OVCH2: variants seen among roughly 807,000 people sequenced by gnomAD.
OVCH2 encodes ovochymase 2.
OVCH2 carries 88 observed loss-of-function variants against 73.7 expected under a neutral mutation model. That is an observed-to-expected ratio of 1.19 (90% CI 1.01 to 1.43). The LOEUF (loss-of-function observed/expected upper bound fraction) is 1.43, where lower values mean the gene tolerates loss of function less well. OVCH2 is among the 40% of genes most tolerant of loss of function. The pLI is 0.00. For synonymous variants in OVCH2, 265 were observed against 234.5 expected, an observed-to-expected ratio of 1.13 and a Z score of -1.19; for missense variants, 706 against 674.5, an observed-to-expected ratio of 1.05 and a Z score of -0.52.
At chr11:7,679,235 A>C in the OVCH2 span, among the ~76,000 whole-genome samples, 1 of 152,326 alleles carries the variant, frequency 6.6e-6, no homozygotes, top group East Asian at 1.9e-4. Flanking sequence ...CCTGGCATAC[A>C]ACAACTAAAA....
the OVCH2 span, among the ~76,000 whole-genome samples, chr11:7,681,696 T>C: frequency 3.3e-5 from 5 of 152,118 alleles, no homozygotes; most frequent in East Asian, 9.6e-4. Flanking sequence ...AAGGAATTGC[T>C]TGTGAGTTCA....
chr11:7,694,607 T>TTTTG (rs1555013950), intron 12 of OVCH2, among the ~76,000 whole-genome samples: 5 of 15,940 alleles, frequency 3.1e-4, no homozygotes, highest in African/African-American at 8.2e-4. Flanking sequence ...CAACACAAAG[T>TTTTG]TTTTGTTTTG....
Position 7,696,482 on chromosome 11 carries a change from A to C in OVCH2, c.1124T>G (p.Leu375Ter), listed in dbSNP as rs756870033. The change falls in exon 10 of 16, where the codon TTA becomes TGA. Residue 375 changes from leucine (L) to a stop codon, truncating the protein, a stop_gained. Coordinates refer to ENST00000533663, the MANE Select transcript of OVCH2 (RefSeq NM_198185.7). LOFTEE classifies it high-confidence loss of function. Reference sequence around the variant, plus strand: ...CCACTCACCAATGGGTCTGTCTTCTAAAGAATACATTGACAGGTAACTGTG... The same window carrying C: ...CCACTCACCAATGGGTCTGTCTTCTCAAGAATACATTGACAGGTAACTGTG... ...CHHSYLSMYS[L>*]EDRPIGKFCG... The C allele has an allele frequency of 7.4e-6, 12 of 1,614,036 alleles. No individual in the cohort carries two copies. The South Asian group carries it at 1.1e-4, about 15-fold the overall frequency.
downstream of OVCH2, among the ~76,000 whole-genome samples, chr11:7,685,227 G>T (rs1856130024): frequency 6.6e-6 from 1 of 152,094 alleles, no homozygotes; most frequent in African/African-American, 2.4e-5. Context: ...TGCTGCTCCT[G>T]GTAGGCACAG....
chr11:7,703,932 A>G, intron 2 of OVCH2, 143 bp from the exon 3 acceptor site: 1 of 709,750 alleles, frequency 1.4e-6, no homozygotes, highest in Admixed American at 2.4e-5. Context: ...GATAAAGCCC[A>G]GACACTACCG....
chr11:7,689,846 A>T, intron 15 of OVCH2, 78 bp downstream of exon 15: 2 of 877,412 alleles, frequency 2.3e-6, no homozygotes, highest in Non-Finnish European at 3.7e-6. Flanking sequence ...AGATGGAATT[A>T]AATCCATATC....
At chr11:7,689,733 C>T in intron 15 of OVCH2, 131 bp from the exon 16 acceptor site, 1 of 670,758 alleles carries the variant, frequency 1.5e-6, no homozygotes, top group African/African-American at 1.8e-5. Flanking sequence ...AGGGCCCAGG[C>T]TAATAACCTC....
Position 7,706,348 on chromosome 11 carries a change from A to C in OVCH2, c.47T>G (p.Phe16Cys). 1.3e-6 allele frequency: 2 copies of C among 1,590,548 alleles called. No homozygotes were observed. The highest frequency in any genetic ancestry group is 1.1e-5 in the South Asian group (1 of 87,082). ...NKLILLLGIV[F>C]FERGKSATLS... ...AGTTGCAGATTTACCTCGTTCAAAAAAGACTATTCCTAGTAGTAAAATCAG... is the reference window on the plus strand; with the variant it reads ...AGTTGCAGATTTACCTCGTTCAAAACAGACTATTCCTAGTAGTAAAATCAG... The change falls in exon 1 of 16, where the codon TTT becomes TGT. Residue 16 changes from phenylalanine (F) to cysteine (C), a missense_variant. Phe to Cys is a radical substitution (Grantham distance 205). Coordinates refer to ENST00000533663, the MANE Select transcript of OVCH2 (RefSeq NM_198185.7).
At chr11:7,682,770 C>A in the OVCH2 span, among the ~76,000 whole-genome samples, 1 of 152,210 alleles carries the variant, frequency 6.6e-6, no homozygotes, top group East Asian at 1.9e-4. Flanking sequence ...TTTTAAATGA[C>A]AAAATACCTT....
At chr11:7,704,748 C>A in intron 1 of OVCH2, 74 bp from the exon 2 acceptor site, 1 of 983,392 alleles carries the variant, frequency 1.0e-6, no homozygotes, top group South Asian at 1.5e-5. Flanking sequence ...CCATTTCACC[C>A]ATGAAACTGA....
chr11:7,702,234 A>C lies in OVCH2; in HGVS notation c.386T>G (p.Ile129Arg), dbSNP rs200564715. ...EQTLTIETVIIHPHFSTKKPM... is the reference protein window; with the variant it reads ...EQTLTIETVIRHPHFSTKKPM... ...TTTCTTGGTGGAGAAATGTGGATGT[A>C]TGATGACAGTTTCAATAGTGAGAGT... Residue 129 changes from isoleucine to arginine, a missense_variant, in exon 4 of 16, where the codon ATA (isoleucine) becomes AGA (arginine). By Grantham distance (97) the Ile-to-Arg change is moderately conservative (BLOSUM62 -3). Transcript: ENST00000533663. 6.2e-7 allele frequency: 1 copy of C among 1,613,164 alleles called. No individual in the cohort carries two copies. The highest frequency in any genetic ancestry group is 8.5e-7 in the Non-Finnish European group (1 of 1,179,360).
rs554363998 is a variant in OVCH2 at position 7,691,829 on chromosome 11, C to T, written c.1507+73G>A. ...GGAAGATGGAGGAAGATTGATCTGT[C>T]TCCTTTTCGTTCCCATCTCAAGACT... On this transcript the variant is annotated intron_variant, in intron 13 of 15. Coordinates refer to ENST00000533663, the MANE Select transcript of OVCH2 (RefSeq NM_198185.7). 62 of 1,156,872 alleles carry T rather than the reference C, an allele frequency of 5.4e-5. 1 individual carries two copies. In the African/African-American group the frequency reaches 8.0e-4, roughly 15 times the overall value. The allele number at this position is 1,156,872 out of a possible 1,614,324, so 71.7% of individuals were successfully genotyped here.
At chr11:7,688,595 T>C (rs1036975769), downstream of OVCH2, among the ~76,000 whole-genome samples, 4 of 152,132 alleles carry the variant, frequency 2.6e-5, no homozygotes, top group Admixed American at 6.5e-5. Context: ...CCCGACTCTC[T>C]CTATTATTCT....
chr11:7,694,925 G>T (rs2136154140), intron 12 of OVCH2, 133 bp downstream of exon 12: 1 of 969,438 alleles, frequency 1.0e-6, no homozygotes, highest in Non-Finnish European at 1.5e-6. Context: ...ACAGCTTTGT[G>T]TGTCAGGTGC....
rs562412752 is a variant in OVCH2, at chr11:7,692,679, A to G, written c.1414-684T>C. Among the ~76,000 whole-genome samples the G allele has an allele frequency of 3.6e-4, 55 of 152,330 alleles. 1 individual carries two copies. The highest frequency in any genetic ancestry group is 9.8e-4 in the Admixed American group (15 of 15,298). ...TGTGCATGAAAAAGGAAATCCTTGT[A>G]TGAGTTAGAGAGAGCTGATTTTGGA... On this transcript the variant is annotated intron_variant, in intron 12 of 15. Coordinates refer to ENST00000533663, the MANE Select transcript of OVCH2 (RefSeq NM_198185.7).
At chr11:7,684,644 A>G (rs556044749), downstream of OVCH2, among the ~76,000 whole-genome samples, 72 of 152,110 alleles carry the variant, frequency 4.7e-4, no homozygotes, top group Non-Finnish European at 9.6e-4. Context: ...GCCCCAACAA[A>G]TGAGGTGTAT....
rs756870033 is a variant in OVCH2 at position 7,696,482 on chromosome 11, A to G, written c.1124T>C (p.Leu375Ser). ...CCACTCACCAATGGGTCTGTCTTCT[A>G]AAGAATACATTGACAGGTAACTGTG... ...CHHSYLSMYS[L>S]EDRPIGKFCG... is the part of the protein sequence containing the mutation. The change falls in exon 10 of 16, where the codon TTA becomes TCA. Residue 375 changes from leucine (L) to serine (S), a missense_variant. Leu to Ser is a moderately radical substitution (Grantham distance 145). Coordinates refer to ENST00000533663, the MANE Select transcript of OVCH2 (RefSeq NM_198185.7). The G allele has an allele frequency of 1.1e-5, 18 of 1,613,918 alleles. No homozygotes were observed. The Admixed American group carries it at 3.0e-4, about 27-fold the overall frequency.
the OVCH2 span, among the ~76,000 whole-genome samples, chr11:7,682,207 G>T: frequency 6.6e-6 from 1 of 152,312 alleles, no homozygotes; most frequent in African/African-American, 2.4e-5. Flanking sequence ...AAAAATCTCG[G>T]AAAGATTCTC....
rs368867142 is a variant in OVCH2, at chr11:7,702,433, TGG to T, written c.291-106_291-105del. ...TTTAAAATGATATGGATAAATAATA[TGG>T]GGTGTGAGGCTGCTGAGCAGAGAAA... On this transcript the variant is annotated intron_variant, in intron 3 of 15. Transcript: ENST00000533663. 1,171 of 886,032 alleles carry T rather than the reference TGG, an allele frequency of 1.3e-3. 4 individuals carry two copies. Among genetic ancestry groups the T allele is most frequent in the East Asian group, 0.013 (457 of 35,354 alleles). 54.9% of individuals were successfully genotyped at this position (886,032 alleles called of 1,614,324 possible).
Sources: allele counts gnomAD v4.1 joint callset (sites outside exome capture counted in the v4.1 genomes callset), GRCh38; gene constraint gnomAD v4.1.1; transcripts MANE v1.5; gene names NCBI Gene and HGNC (gene_info 2026-07-23, HGNC 2026-07-21).